Variants in DPF2 observed in about 807,000 individuals in gnomAD.
DPF2 encodes zinc finger protein ubi-d4.
In DPF2, 10 loss-of-function variants were observed where a neutral mutation model predicts 59.6. The observed-to-expected ratio is 0.17, with a 90% confidence interval of 0.10 to 0.28. The LOEUF is 0.28. Ranked by LOEUF, DPF2 falls within the 10% of genes least tolerant of loss-of-function variation. The pLI is 1.00. For synonymous variants in DPF2, 189 were observed against 190.6 expected, an observed-to-expected ratio of 0.99 and a Z score of 0.07; for missense variants, 315 against 509.4, an observed-to-expected ratio of 0.62 and a Z score of 3.67.
chr11:65,334,940 C>T (rs1467463411), intron 1 of DPF2, among the ~76,000 whole-genome samples: 1 of 152,164 alleles, frequency 6.6e-6, no homozygotes, highest in African/African-American at 2.4e-5. Flanking sequence ...TCTCATCTGT[C>T]TTTGTCGTGG....
Position 65,351,985 on chromosome 11 carries a change from C to T in DPF2, c.*226C>T, listed in dbSNP as rs895366896. The T allele has an allele frequency of 1.7e-5, 10 of 574,352 alleles. No individual in the cohort carries two copies. The highest frequency in any genetic ancestry group is 5.6e-5 in the African/African-American group (3 of 53,276). 35.6% of individuals were successfully genotyped at this position (574,352 alleles called of 1,614,324 possible). On this transcript the variant is annotated 3_prime_UTR_variant, in exon 11 of 11. Coordinates refer to ENST00000528416, the MANE Select transcript of DPF2 (RefSeq NM_006268.5). ...GAGCAACACACTGCCCCTAGGCGTG[C>T]GTGTGGCCCAGTTTCTCTCTGCTCT...
At chr11:65,339,163 C>T (rs1300451707) in intron 1 of DPF2, among the ~76,000 whole-genome samples, 1 of 151,652 alleles carries the variant, frequency 6.6e-6, no homozygotes, top group Non-Finnish European at 1.5e-5. Context: ...TTCCCAGATA[C>T]TTGGGAGGCT....
At chr11:65,351,598 A>G in intron 10 of DPF2, 85 bp from the exon 11 acceptor site, 1 of 1,162,324 alleles carries the variant, frequency 8.6e-7, no homozygotes, top group South Asian at 1.2e-5. Flanking sequence ...ATCCTGCTAT[A>G]GAGATGGGGT....
rs867089697 is a variant in DPF2 at position 65,345,343 on chromosome 11, G to A, written c.638-323G>A. ...ATCCTTCCCTTTCCTGACCTGGAGC[G>A]TCCCAGACTGTTAGTATATCCCAGA... On this transcript the variant is annotated intron_variant, in intron 6 of 10. Coordinates refer to ENST00000528416, the MANE Select transcript of DPF2 (RefSeq NM_006268.5). The A allele has an allele frequency of 3.7e-5, 12 of 324,516 alleles. 1 individual carries two copies. Among genetic ancestry groups the A allele is most frequent in the East Asian group, 1.2e-4 (2 of 17,018 alleles). The allele number at this position is 324,516 out of a possible 1,614,324, so 20.1% of individuals were successfully genotyped here.
At chr11:65,349,063 A>G (rs1434441103) in intron 10 of DPF2, 132 bp downstream of exon 10, 1 of 916,930 alleles carries the variant, frequency 1.1e-6, no homozygotes, top group Non-Finnish European at 1.7e-6. Context: ...GCCTTGGCTC[A>G]GTTTAGAATG....
At chr11:65,333,988 G>A in intron 1 of DPF2, 70 bp downstream of exon 1, 1 of 1,587,570 alleles carries the variant, frequency 6.3e-7, no homozygotes, top group Non-Finnish European at 8.6e-7. Context: ...GGGGCGGTGG[G>A]GGAAGGGACT....
intron 4 of DPF2, among the ~76,000 whole-genome samples, chr11:65,343,261 T>C (rs559520326): frequency 7.2e-6 from 1 of 138,172 alleles, no homozygotes; most frequent in East Asian, 2.1e-4. Flanking sequence ...ATTGCGCCAT[T>C]GCACTCCAGC....
chr11:65,340,441 G>A lies in DPF2; in HGVS notation c.89G>A (p.Arg30His), dbSNP rs1854330510. 6 of 1,614,240 alleles carry A rather than the reference G, an allele frequency of 3.7e-6. No individual in the cohort carries two copies. The highest frequency in any genetic ancestry group is 4.2e-6 in the Non-Finnish European group (5 of 1,180,050). Reference protein sequence around the residue: ...AMEQCHNYNARLCAERSVRLP... With the variant: ...AMEQCHNYNAHLCAERSVRLP... ...GAGCAGTGCCACAATTACAATGCTCGCCTCTGTGCTGAGCGCAGCGTGCGC... is the reference window on the plus strand; with the variant it reads ...GAGCAGTGCCACAATTACAATGCTCACCTCTGTGCTGAGCGCAGCGTGCGC... The change falls in exon 2 of 11, where the codon CGC becomes CAC. Residue 30 changes from arginine to histidine, a missense_variant. Physicochemically the swap from Arg to His is conservative, Grantham distance 29. Coordinates refer to ENST00000528416, the MANE Select transcript of DPF2 (RefSeq NM_006268.5).
In DPF2 at chr11:65,337,474, AATAT is replaced by A. The variant is rs1196397460; in HGVS notation, c.33-2883_33-2880del. Among the ~76,000 whole-genome samples, 420 of 46,326 alleles carry A rather than the reference AATAT, an allele frequency of 9.1e-3. 10 individuals carry two copies. The highest frequency in any genetic ancestry group is 0.01 in the African/African-American group (107 of 10,196). 30.4% of individuals were successfully genotyped at this position (46,326 alleles called of 152,430 possible). On this transcript the variant is annotated intron_variant, in intron 1 of 10. Transcript: ENST00000528416. ...TCTCAAAAAAAAAAAAAAAAAAAAA[AATAT>A]ATATATATATATATATATATATATA... is the stretch of plus-strand genomic sequence containing the variant.
At chr11:65,342,602 A>G (rs1008386058) in intron 4 of DPF2, among the ~76,000 whole-genome samples, 2 of 152,226 alleles carry the variant, frequency 1.3e-5, no homozygotes, top group African/African-American at 4.8e-5. Context: ...ACAGCTATAA[A>G]TATGCCAGCA....
chr11:65,348,187 AG>A (rs1257188921), intron 9 of DPF2: 3 of 152,254 alleles, frequency 2.0e-5, no homozygotes, highest in Admixed American at 2.0e-4. Context: ...TGGCAGGCTG[AG>A]GTGGGAGGAT....
intron 1 of DPF2, among the ~76,000 whole-genome samples, chr11:65,339,232 C>A (rs1465778346): frequency 1.9e-4 from 28 of 150,332 alleles, no homozygotes; most frequent in Non-Finnish European, 5.9e-5. Context: ...CATAGTGAGA[C>A]CTTGTCTCTT....
chr11:65,345,465 C>G, intron 6 of DPF2: 1 of 652,200 alleles, frequency 1.5e-6, no homozygotes, highest in Non-Finnish European at 2.6e-6. Flanking sequence ...GGGAAAAGAG[C>G]CCCAGAAGCT....
chr11:65,339,257 A>AC (rs1483176129), intron 1 of DPF2, among the ~76,000 whole-genome samples: 1 of 151,884 alleles, frequency 6.6e-6, no homozygotes, highest in African/African-American at 2.4e-5. Flanking sequence ...AAAAAAAAAA[A>AC]CAAGATTGAT....
intron 2 of DPF2, 136 bp downstream of exon 2, chr11:65,340,681 T>G (rs1854337447): frequency 7.7e-7 from 1 of 1,291,404 alleles, no homozygotes; most frequent in Middle Eastern, 2.6e-4. Flanking sequence ...TTCCTGTGAT[T>G]AGAAACCCAG....
At position 65,340,392 on chromosome 11, in the gene DPF2, G is replaced by A; in HGVS notation, c.40G>A (p.Glu14Lys). Residue 14 changes from glutamate (E) to lysine (K), a missense_variant, in exon 2 of 11, where the codon GAG (glutamate) becomes AAG (lysine). This residue lies in a region of DPF2 where 228 missense variants were observed against 275.3 expected (regional missense o/e 0.83). Transcript: ENST00000528416. ...VVENVVKLLG[E>K]QYYKDAMEQC... ...TTTCTATCTTCCCTGCAGCCTTGGG[G>A]AGCAGTACTACAAAGATGCCATGGA... 6.2e-7 allele frequency: 1 copy of A among 1,614,060 alleles called. No individual in the cohort carries two copies. Among genetic ancestry groups the A allele is most frequent in the Non-Finnish European group, 8.5e-7 (1 of 1,179,938 alleles).
chr11:65,337,470 AAAAAATAT>A (rs1249728062), intron 1 of DPF2, among the ~76,000 whole-genome samples: 1 of 57,622 alleles, frequency 1.7e-5, no homozygotes, highest in Non-Finnish European at 3.3e-5. Flanking sequence ...AAAAAAAAAA[AAAAAATAT>A]ATATATATAT....
intron 1 of DPF2, among the ~76,000 whole-genome samples, chr11:65,337,473 AAATATATAT>A (rs1462481540): frequency 1.9e-3 from 81 of 43,710 alleles, no homozygotes; most frequent in African/African-American, 3.4e-3. Context: ...AAAAAAAAAA[AAATATATAT>A]ATATATATAT....
In DPF2 at chr11:65,344,039, G is replaced by C; in HGVS notation, c.607G>C (p.Glu203Gln). 1 of 1,614,236 alleles carries C rather than the reference G, an allele frequency of 6.2e-7. No individual in the cohort carries two copies. The highest frequency in any genetic ancestry group is 8.5e-7 in the Non-Finnish European group (1 of 1,180,046). The stretch of plus-strand genomic sequence containing the variant: ...TAAGAAGCTGGATGCTTCCATCCTG[G>C]AGGACCGGGATAAGCCCTATGCCTG... ...ARKKLDASIL[E>Q]DRDKPYACDI... is the part of the protein sequence containing the mutation. The change falls in exon 6 of 11, where the codon GAG becomes CAG. Residue 203 changes from glutamate (E) to glutamine (Q), a missense_variant. By Grantham distance (29) the Glu-to-Gln change is conservative. This residue lies in a region of DPF2 where 228 missense variants were observed against 275.3 expected (regional missense o/e 0.83). Transcript: ENST00000528416.
Sources: allele counts gnomAD v4.1 joint callset (sites outside exome capture counted in the v4.1 genomes callset), GRCh38; gene constraint gnomAD v4.1.1; regional missense constraint gnomAD v4.1.1; transcripts MANE v1.5; gene names NCBI Gene and HGNC (gene_info 2026-07-23, HGNC 2026-07-21).